The following DNMT1 variants were observed in gnomAD, a reference collection of about 807,000 sequenced individuals.
DNMT1 encodes the protein DNA (cytosine-5)-methyltransferase 1.
A neutral mutation model predicts 205.3 loss-of-function variants in DNMT1; 24 were observed. The ratio of observed to expected loss-of-function variants is 0.12; its 90% CI spans 0.08 to 0.16. DNMT1 has a LOEUF of 0.16. Ranked by LOEUF, DNMT1 falls within the 10% of genes least tolerant of loss-of-function variation. The pLI is 1.00. For missense variants in DNMT1, 1,293 were observed against 2,177.7 expected, an observed-to-expected ratio of 0.59 and a Z score of 8.09; for synonymous variants, 817 against 839.8, an observed-to-expected ratio of 0.97 and a Z score of 0.47.
rs376184130 is a variant in DNMT1, at chr19:10,137,328, C to G, written c.4294-48G>C. ...GCTGTCACCTCATGTGAGCAGCATC[C>G]GAGCATCCATGGTGGGCTGGGAGCT... On this transcript the variant is annotated intron_variant, in intron 36 of 40. Transcript: ENST00000359526. This position sits in a 1 kb window ranked among gnomAD's most constrained non-coding sequence, Gnocchi z 6.4. The G allele has an allele frequency of 6.4e-7, 1 of 1,561,586 alleles. No individual in the cohort carries two copies. The highest frequency in any genetic ancestry group is 8.7e-7 in the Non-Finnish European group (1 of 1,154,906).
chr19:10,170,641 G>A (rs184130230), intron 9 of DNMT1, among the ~76,000 whole-genome samples: 27 of 152,180 alleles, frequency 1.8e-4, no homozygotes, highest in African/African-American at 5.3e-4. Context: ...ACAAAACTCC[G>A]TCTCAAAAAA....
chr19:10,143,814 C>T lies in DNMT1; in HGVS notation c.3068G>A (p.Gly1023Asp). ...TTTGATGTCAGTCTCATTGGGCCTGCCGTTGCTCTTCTTGGGACAGAAGAT... is the reference window on the plus strand; with the variant it reads ...TTTGATGTCAGTCTCATTGGGCCTGTCGTTGCTCTTCTTGGGACAGAAGAT... ...KEIFCPKKSNGRPNETDIKIR... is the reference protein window; with the variant it reads ...KEIFCPKKSNDRPNETDIKIR... Residue 1023 changes from glycine to aspartate, a missense_variant, in exon 29 of 41, where the codon GGC becomes GAC. By Grantham distance (94) the Gly-to-Asp change is moderately conservative. Coordinates refer to ENST00000359526, the MANE Select transcript of DNMT1 (RefSeq NM_001130823.3). The T allele has an allele frequency of 6.2e-7, 1 of 1,614,140 alleles. No homozygotes were observed.
chr19:10,161,317 A>ATAAG (rs1249994824), intron 13 of DNMT1, among the ~76,000 whole-genome samples: 32 of 130,706 alleles, frequency 2.4e-4, no homozygotes, highest in African/African-American at 8.3e-4. Flanking sequence ...AAACAAATAC[A>ATAAG]TAAGTAAATA....
chr19:10,193,665 C>CAA lies in DNMT1; in HGVS notation c.80+1153_80+1154dup, dbSNP rs35583463. Among the ~76,000 whole-genome samples the CAA allele has an allele frequency of 9.3e-3, 990 of 106,032 alleles. 7 individuals carry two copies. Among genetic ancestry groups the CAA allele is most frequent in the Non-Finnish European group, 0.014 (677 of 49,930 alleles). 69.6% of individuals were successfully genotyped at this position (106,032 alleles called of 152,430 possible). ...GGCATAAGCCACAGCACCCAGCCTT[C>CAA]AAAAAAAAAAAAAAAAAGAAAAGAA... On this transcript the variant is annotated intron_variant, in intron 1 of 40. Coordinates refer to ENST00000359526, the MANE Select transcript of DNMT1 (RefSeq NM_001130823.3).
intron 19 of DNMT1, 21 bp from the exon 20 acceptor site, chr19:10,155,077 GT>G: frequency 1.9e-6 from 3 of 1,613,812 alleles, no homozygotes; most frequent in Non-Finnish European, 2.5e-6. Context: ...CAGAGGAGGT[GT>G]GGAAAAGGGG....
At position 10,151,968 on chromosome 19, in the gene DNMT1, T is replaced by C; in HGVS notation, c.2020-121A>G. On this transcript the variant is annotated intron_variant, in intron 22 of 40. Coordinates refer to ENST00000359526, the MANE Select transcript of DNMT1 (RefSeq NM_001130823.3). The surrounding 1 kb of genome is among the most constrained non-coding windows in gnomAD (Gnocchi z 5.0). ...TAAGGTCAGGAATTGCAGACCAGCC[T>C]GGCCAACGTGGTGAAACCCCATCTC... 1 of 890,626 alleles carries C rather than the reference T, an allele frequency of 1.1e-6. No homozygotes were observed. Among genetic ancestry groups the C allele is most frequent in the Admixed American group, 1.9e-5 (1 of 53,382 alleles). The allele number at this position is 890,626 out of a possible 1,614,324, so 55.2% of individuals were successfully genotyped here.
At chr19:10,193,205 A>G (rs939611132) in intron 1 of DNMT1, among the ~76,000 whole-genome samples, 1 of 152,026 alleles carries the variant, frequency 6.6e-6, no homozygotes, top group Non-Finnish European at 1.5e-5. Flanking sequence ...ACAAAAACTA[A>G]GAAAGTCATC....
At chr19:10,145,147 A>G (rs1032851681) in intron 28 of DNMT1, among the ~76,000 whole-genome samples, 1 of 152,222 alleles carries the variant, frequency 6.6e-6, no homozygotes, top group Non-Finnish European at 1.5e-5. Context: ...TGGTCTGACT[A>G]GTGTGGAAAA....
In DNMT1 at chr19:10,141,193, A is replaced by AAAAGGAGAG; in HGVS notation, c.3310-13_3310-5dup. 6.2e-7 allele frequency: 1 copy of AAAAGGAGAG among 1,613,874 alleles called. No individual in the cohort carries two copies. Among genetic ancestry groups the AAAAGGAGAG allele is most frequent in the Non-Finnish European group, 8.5e-7 (1 of 1,179,932 alleles). ...TTTTGCTCTTTGCATTATAGGCCTG[A>AAAAGGAGAG]AAAGGAGAGAACTGCAATCGTTTGG... On this transcript the variant is annotated splice_polypyrimidine_tract_variant and splice_region_variant and intron_variant, in intron 30 of 40. Transcript: ENST00000359526.
At chr19:10,149,057 C>G (rs368379329) in intron 26 of DNMT1, 40 bp from the exon 27 acceptor site, 375 of 1,611,612 alleles carry the variant, frequency 2.3e-4, no homozygotes, top group Non-Finnish European at 3.0e-4. Context: ...GGCGCAGTGG[C>G]TCATGCCTGT....
chr19:10,192,476 G>C (rs527831121), intron 1 of DNMT1, among the ~76,000 whole-genome samples: 1 of 151,604 alleles, frequency 6.6e-6, no homozygotes, highest in East Asian at 2.0e-4. Context: ...AAGAAGGCTG[G>C]GCAGGCTGGG....
intron 1 of DNMT1, among the ~76,000 whole-genome samples, chr19:10,185,874 A>C (rs893732551): frequency 2.0e-5 from 3 of 151,560 alleles, no homozygotes; most frequent in Middle Eastern, 3.5e-3. Context: ...ATGCTTTGAC[A>C]TCAGGATTTC....
At chr19:10,169,386 CA>C (rs61170762) in intron 9 of DNMT1, among the ~76,000 whole-genome samples, 2,669 of 80,934 alleles carry the variant, frequency 0.033, 94 homozygotes, top group African/African-American at 0.11. Flanking sequence ...ACTAAAAATA[CA>C]AAAAAAAAAA....
intron 10 of DNMT1, among the ~76,000 whole-genome samples, chr19:10,167,984 A>T (rs980839944): frequency 6.6e-6 from 1 of 152,058 alleles, no homozygotes; most frequent in Non-Finnish European, 1.5e-5. Flanking sequence ...TTAGTTGGGC[A>T]TGGTGGTACA....
chr19:10,182,008 T>C (rs1236764600), intron 2 of DNMT1, 33 bp downstream of exon 2: 1 of 1,598,334 alleles, frequency 6.3e-7, no homozygotes, highest in East Asian at 2.2e-5. Flanking sequence ...CAGTCAGATT[T>C]GGTAATAAGA....
chr19:10,138,369 G>A lies in DNMT1; in HGVS notation c.4115+70C>T. On this transcript the variant is annotated intron_variant, in intron 35 of 40. Coordinates refer to ENST00000359526, the MANE Select transcript of DNMT1 (RefSeq NM_001130823.3). This position sits in a 1 kb window ranked among gnomAD's most constrained non-coding sequence, Gnocchi z 4.1. ...TCTCCTCCCCAAGCCTCACCAGGGA[G>A]TACTCACGGGCCCCATGAGCTACTG... The A allele has an allele frequency of 1.9e-6, 3 of 1,607,266 alleles. No individual in the cohort carries two copies. Among genetic ancestry groups the A allele is most frequent in the Middle Eastern group, 3.3e-4 (2 of 6,056 alleles).
chr19:10,173,009 CT>C, intron 9 of DNMT1, 80 bp downstream of exon 9: 5 of 1,534,522 alleles, frequency 3.3e-6, no homozygotes, highest in East Asian at 2.2e-5. Flanking sequence ...TCCCCACCCC[CT>C]GTCCCCACGT....
Position 10,154,176 on chromosome 19 carries a change from G to C in DNMT1, c.2019+117C>G. On this transcript the variant is annotated intron_variant, in intron 22 of 40. Transcript: ENST00000359526. The surrounding 1 kb of genome is among the most constrained non-coding windows in gnomAD (Gnocchi z 6.3). ...GACCACTAACTAATTTCTGTCTCAG[G>C]GGTCACATTTGAGCAGCCAGAGTCT... The C allele has an allele frequency of 9.3e-7, 1 of 1,070,948 alleles. No individual in the cohort carries two copies. Among genetic ancestry groups the C allele is most frequent in the South Asian group, 1.3e-5 (1 of 78,918 alleles). 66.3% of individuals were successfully genotyped at this position (1,070,948 alleles called of 1,614,324 possible). A position where few individuals can be genotyped will look rare whatever the true frequency, so the allele number is the denominator to read the frequency against.
intron 5 of DNMT1, among the ~76,000 whole-genome samples, chr19:10,177,910 C>T (rs980545534): frequency 3.6e-4 from 52 of 142,774 alleles, no homozygotes; most frequent in African/African-American, 1.3e-3. Context: ...ACAGCCTTGG[C>T]GACAGAGCAA....
Sources: gnomAD v4.1 joint callset for allele counts (sites outside exome capture counted in the v4.1 genomes callset) on GRCh38, gnomAD v4.1.1 for gene constraint, Gnocchi (gnomAD v3.1) non-coding constraint, MANE v1.5 for transcripts, NCBI Gene and HGNC (gene_info 2026-07-23, HGNC 2026-07-21) for gene names.